The following CA10 variants were observed in gnomAD, a reference collection of about 807,000 sequenced individuals.
CA10 encodes the protein carbonic anhydrase-related protein 10.
In CA10, 14 loss-of-function variants were observed where a neutral mutation model predicts 44.2. The observed-to-expected ratio is 0.32, with a 90% CI of 0.21 to 0.50. The LOEUF is 0.50. Ranked by LOEUF, CA10 falls within the 20% of genes least tolerant of loss-of-function variation. The pLI is 0.99. For synonymous variants in CA10, 159 were observed against 141.6 expected (o/e 1.12, Z -0.87); for missense variants, 350 against 409.7 (o/e 0.85, Z 1.26).
intron 2 of CA10, among the ~76,000 whole-genome samples, chr17:52,000,042 C>T (rs1985368959): frequency 6.6e-6 from 1 of 152,012 alleles, no homozygotes; most frequent in African/African-American, 2.4e-5. Context: ...AAGCATGACA[C>T]AGAATTGTGC....
At chr17:51,842,822 T>C (rs1445027611) in intron 3 of CA10, among the ~76,000 whole-genome samples, 1 of 152,172 alleles carries the variant, frequency 6.6e-6, no homozygotes, top group Non-Finnish European at 1.5e-5. Flanking sequence ...TATCTTCAGC[T>C]GGCTTTCAGT....
intron 2 of CA10, among the ~76,000 whole-genome samples, chr17:52,041,146 A>G (rs1188359503): frequency 1.3e-5 from 2 of 152,100 alleles, no homozygotes; most frequent in Non-Finnish European, 2.9e-5. Context: ...TGCATACTAG[A>G]AGAAAATCCA....
Position 51,882,659 on chromosome 17 carries a change from G to A in CA10, c.279+48331C>T, listed in dbSNP as rs1168614396. Among the ~76,000 whole-genome samples, 3 of 152,118 alleles carry A rather than the reference G, an allele frequency of 2.0e-5. No individual in the cohort carries two copies. The East Asian group carries it at 5.8e-4, about 29-fold the overall frequency. ...GGGTGATGCTCCCTATGGCTTTTGG[G>A]CTGAGTTCAGCTGTGAGTGTGGCTC... On this transcript the variant is annotated intron_variant, in intron 3 of 8. Transcript: ENST00000451037.
chr17:52,043,671 T>C (rs1051521607), intron 2 of CA10, among the ~76,000 whole-genome samples: 1 of 152,164 alleles, frequency 6.6e-6, no homozygotes, highest in African/African-American at 2.4e-5. Flanking sequence ...TTCACTGTTG[T>C]GTATAATGTT....
intron 2 of CA10, among the ~76,000 whole-genome samples, chr17:51,965,818 C>A (rs553196081): frequency 2.0e-5 from 3 of 151,786 alleles, no homozygotes; most frequent in Non-Finnish European, 2.9e-5. Context: ...AACAAGGATG[C>A]CCATTCTCAC....
intron 3 of CA10, among the ~76,000 whole-genome samples, chr17:51,838,783 C>A (rs1381116747): frequency 6.6e-6 from 1 of 152,168 alleles, no homozygotes; most frequent in Non-Finnish European, 1.5e-5. Context: ...CTCAAGGGAG[C>A]CTGCAGATTA....
chr17:52,038,711 C>G (rs552805748), intron 2 of CA10, among the ~76,000 whole-genome samples: 1 of 152,230 alleles, frequency 6.6e-6, no homozygotes, highest in East Asian at 1.9e-4. Context: ...TTTTGCAAAA[C>G]TGGAACAACT....
chr17:52,131,843 A>G (rs1989247247), intron 1 of CA10, among the ~76,000 whole-genome samples: 2 of 152,210 alleles, frequency 1.3e-5, no homozygotes, highest in South Asian at 4.1e-4. Flanking sequence ...AAAAATGATG[A>G]GTTCATGTCC....
In CA10 at chr17:51,827,334, A is replaced by G. The variant is rs1159441286; in HGVS notation, c.280-79516T>C. Among the ~76,000 whole-genome samples, 18 of 121,910 alleles carry G rather than the reference A, an allele frequency of 1.5e-4. No homozygotes were observed. The South Asian group carries it at 1.5e-3, about 10-fold the overall frequency. 80.0% of individuals were successfully genotyped at this position (121,910 alleles called of 152,430 possible). ...ATGCACCACTAGGAGAGAAACACGC[A>G]CACACACACACACACACACATACAC... On this transcript the variant is annotated intron_variant, in intron 3 of 8. Transcript: ENST00000451037.
intron 3 of CA10, among the ~76,000 whole-genome samples, chr17:51,836,265 C>G (rs1196418448): frequency 6.6e-6 from 1 of 152,210 alleles, no homozygotes; most frequent in Non-Finnish European, 1.5e-5. Context: ...CCATTTCTCA[C>G]TGCCATTTTA....
intron 2 of CA10, among the ~76,000 whole-genome samples, chr17:52,025,236 T>C (rs1986264805): frequency 6.6e-6 from 1 of 152,094 alleles, no homozygotes; most frequent in Admixed American, 6.6e-5. Flanking sequence ...ACTGGCTGAG[T>C]TCTATATCAG....
At chr17:51,950,818 T>C (rs1037985635) in intron 2 of CA10, among the ~76,000 whole-genome samples, 1 of 152,132 alleles carries the variant, frequency 6.6e-6, no homozygotes, top group Non-Finnish European at 1.5e-5. Flanking sequence ...ATATTTATAT[T>C]GATAGTCTGA....
chr17:52,041,997 T>G (rs1369405517), intron 2 of CA10, among the ~76,000 whole-genome samples: 1 of 152,084 alleles, frequency 6.6e-6, no homozygotes, highest in African/African-American at 2.4e-5. Flanking sequence ...CATTCATCCA[T>G]CAATGGACAC....
intron 1 of CA10, among the ~76,000 whole-genome samples, chr17:52,102,749 A>G (rs1352769013): frequency 6.6e-6 from 1 of 152,206 alleles, no homozygotes; most frequent in African/African-American, 2.4e-5. Context: ...TAAACTCTAT[A>G]CAATTTTATT....
intron 1 of CA10, among the ~76,000 whole-genome samples, chr17:52,090,435 A>T (rs1454475802): frequency 6.6e-6 from 1 of 152,186 alleles, no homozygotes; most frequent in African/African-American, 2.4e-5. Flanking sequence ...AACAGCATTG[A>T]TGATGCTGAA....
intron 4 of CA10, among the ~76,000 whole-genome samples, chr17:51,666,495 A>G (rs2143332027): frequency 6.6e-6 from 1 of 152,160 alleles, no homozygotes; most frequent in East Asian, 1.9e-4. Context: ...GAGGGAAGTG[A>G]CCCTTTACTG....
chr17:52,037,128 G>C (rs1271677361), intron 2 of CA10, among the ~76,000 whole-genome samples: 1 of 152,132 alleles, frequency 6.6e-6, no homozygotes, highest in Non-Finnish European at 1.5e-5. Context: ...AAATCAGTGG[G>C]ATATCGAAAT....
chr17:52,040,145 C>CTT (rs200635464), intron 2 of CA10, among the ~76,000 whole-genome samples: 2,154 of 138,992 alleles, frequency 0.015, 48 homozygotes, highest in African/African-American at 0.048. Context: ...TCTTTTTTTT[C>CTT]TTTTTTTTTT....
intron 2 of CA10, among the ~76,000 whole-genome samples, chr17:52,000,883 C>T (rs1034628115): frequency 2.1e-5 from 3 of 139,898 alleles, no homozygotes; most frequent in African/African-American, 5.4e-5. Context: ...ATTAAAATCT[C>T]GACTACAGAT....
Sources: gnomAD v4.1 joint callset for allele counts (sites outside exome capture counted in the v4.1 genomes callset) on GRCh38, gnomAD v4.1.1 for gene constraint, MANE v1.5 for transcripts, NCBI Gene and HGNC (gene_info 2026-07-23, HGNC 2026-07-21) for gene names.